Variants in DOCK7 observed in about 807,000 individuals in gnomAD.
DOCK7 encodes the protein dedicator of cytokinesis 7, also known as dedicator of cytokinesis protein 7.
In DOCK7, 138 loss-of-function variants were observed where a neutral mutation model predicts 271.0. That is an observed-to-expected ratio of 0.51 (90% CI 0.44 to 0.59). The LOEUF (loss-of-function observed/expected upper bound fraction) is 0.59. Ranked by LOEUF, DOCK7 falls within the 20% of genes least tolerant of loss-of-function variation. The pLI is 0.00. For missense variants in DOCK7, 2,066 were observed against 2,592.4 expected (o/e 0.80, Z 4.41); for synonymous variants, 823 against 876.1 (o/e 0.94, Z 1.07).
chr1:62,636,764 A>G (rs904856027), intron 7 of DOCK7, among the ~76,000 whole-genome samples, 161 bp from the exon 8 acceptor site: 1 of 152,166 alleles, frequency 6.6e-6, no homozygotes, highest in Non-Finnish European at 1.5e-5. Flanking sequence ...TCTTCTATGC[A>G]TATCGTTCAG....
chr1:62,647,891 A>G, intron 6 of DOCK7, 115 bp from the exon 7 acceptor site: 1 of 886,632 alleles, frequency 1.1e-6, no homozygotes. Context: ...TAGAACATAG[A>G]GAAGAATGAC....
chr1:62,475,622 C>T (rs934732738), intron 46 of DOCK7, 85 bp downstream of exon 46: 141 of 1,290,532 alleles, frequency 1.1e-4, no homozygotes, highest in Non-Finnish European at 1.5e-4. Context: ...AGGGATGGTA[C>T]ATATCTTCTG....
In DOCK7 at chr1:62,545,009, T is replaced by C. The variant is rs780996734; in HGVS notation, c.2797A>G (p.Thr933Ala). 1.8e-4 allele frequency: 284 copies of C among 1,549,710 alleles called. No individual in the cohort carries two copies. The highest frequency in any genetic ancestry group is 2.4e-4 in the Non-Finnish European group (272 of 1,146,484). The part of the protein sequence containing the change: ...GLDRSNSWVN[T>A]GGPKAAPWGS... ...CATGGGGCAGCTTTTGGACCACCAG[T>C]GTTAACCCAGGAATTGGAGCGATCT... The change falls in exon 23 of 50, where the codon ACT (threonine) becomes GCT (alanine). Residue 933 changes from threonine (T) to alanine (A), a missense_variant. By Grantham distance (58) the Thr-to-Ala change is moderately conservative (BLOSUM62 0). Around this residue, in one of 2 missense-constraint regions of DOCK7, gnomAD observed 1,414 missense variants for 1,670.4 expected, o/e 0.85. Transcript: ENST00000635253.
chr1:62,455,175 A>G lies in DOCK7; in HGVS notation c.*239T>C. ...ATGGTATAAATAATGGTAAATGTAT[A>G]GTGTACCTTTGAGTCATTAAAATGT... is the stretch of plus-strand genomic sequence containing the variant. On this transcript the variant is annotated 3_prime_UTR_variant, in exon 50 of 50. Transcript: ENST00000635253. 1.6e-6 allele frequency: 1 copy of G among 619,002 alleles called. No homozygotes were observed. The highest frequency in any genetic ancestry group is 2.9e-6 in the Non-Finnish European group (1 of 350,478). 38.3% of individuals were successfully genotyped at this position (619,002 alleles called of 1,614,324 possible). A position where few individuals can be genotyped will look rare whatever the true frequency, so the allele number is the denominator to read the frequency against.
chr1:62,611,766 A>T (rs1231442370), intron 14 of DOCK7, among the ~76,000 whole-genome samples: 1 of 152,134 alleles, frequency 6.6e-6, no homozygotes, highest in African/African-American at 2.4e-5. Flanking sequence ...AAGCTTATTC[A>T]ACTACTCAAG....
chr1:62,504,688 C>T lies in DOCK7; in HGVS notation c.4706G>A (p.Arg1569Gln), dbSNP rs777001480. The T allele has an allele frequency of 1.9e-6, 3 of 1,613,718 alleles. No individual in the cohort carries two copies. Among genetic ancestry groups the T allele is most frequent in the African/African-American group, 1.3e-5 (1 of 74,878 alleles). The part of the protein sequence containing the change: ...RHCSSSIGTI[R>Q]SHASASLYLL... ...GTAAAGGGAGGCACTGGCGTGTGACCGTATTGTACCGATGCTACTGCTACA... is the reference window on the plus strand; with the variant it reads ...GTAAAGGGAGGCACTGGCGTGTGACTGTATTGTACCGATGCTACTGCTACA... Residue 1569 changes from arginine to glutamine, a missense_variant, in exon 37 of 50, where the codon CGG becomes CAG. Arg to Gln is a conservative substitution (Grantham distance 43). Coordinates refer to ENST00000635253, the MANE Select transcript of DOCK7 (RefSeq NM_001367561.1).
At chr1:62,626,257 A>C (rs1380466154) in intron 11 of DOCK7, among the ~76,000 whole-genome samples, 1 of 152,178 alleles carries the variant, frequency 6.6e-6, no homozygotes, top group African/African-American at 2.4e-5. Flanking sequence ...TACAGCTATT[A>C]ATGTCTATTT....
chr1:62,483,446 C>T (rs1301790716), intron 43 of DOCK7: 1 of 151,920 alleles, frequency 6.6e-6, no homozygotes, highest in African/African-American at 2.4e-5. Flanking sequence ...CAGGGAGTCA[C>T]TAACTACCAG....
chr1:62,489,404 G>A (rs574102122), intron 41 of DOCK7, among the ~76,000 whole-genome samples: 176 of 152,242 alleles, frequency 1.2e-3, no homozygotes, highest in African/African-American at 4.0e-3. Context: ...AGCTGAGACC[G>A]CGCCACTGCA....
chr1:62,537,825 C>A, intron 28 of DOCK7, 66 bp downstream of exon 28: 1 of 1,419,236 alleles, frequency 7.0e-7, no homozygotes, highest in East Asian at 2.3e-5. Context: ...TTATTTTTTC[C>A]ATTGTTTAAA....
intron 37 of DOCK7, among the ~76,000 whole-genome samples, chr1:62,501,481 T>C (rs1646781873): frequency 1.3e-5 from 2 of 152,114 alleles, no homozygotes. Context: ...AATACAGATG[T>C]AAACAGTAAG....
At chr1:62,605,018 A>G in intron 14 of DOCK7, 1 of 555,472 alleles carries the variant, frequency 1.8e-6, no homozygotes, top group Admixed American at 3.2e-5. Context: ...CAAAATTCTT[A>G]TAATACTATT....
intron 12 of DOCK7, among the ~76,000 whole-genome samples, chr1:62,620,802 T>C (rs892442964): frequency 1.4e-5 from 2 of 141,780 alleles, no homozygotes; most frequent in Non-Finnish European, 3.0e-5. Flanking sequence ...GAGAATGGCG[T>C]GAACTCGGGA....
At chr1:62,572,368 T>A (rs1310750283) in intron 18 of DOCK7, among the ~76,000 whole-genome samples, 1 of 152,244 alleles carries the variant, frequency 6.6e-6, no homozygotes, top group Admixed American at 6.5e-5. Context: ...ATGCTCTCCA[T>A]GTTATTATAT....
At chr1:62,637,306 A>G (rs2149644689) in intron 7 of DOCK7, among the ~76,000 whole-genome samples, 1 of 152,342 alleles carries the variant, frequency 6.6e-6, no homozygotes, top group Admixed American at 6.5e-5. Context: ...TTCTAAGAAC[A>G]ATGACTTACA....
intron 48 of DOCK7, among the ~76,000 whole-genome samples, chr1:62,466,762 T>C (rs1645688905): frequency 6.6e-6 from 1 of 151,460 alleles, no homozygotes; most frequent in South Asian, 2.1e-4. Context: ...CAAGACCCCA[T>C]ATACAAAAAT....
chr1:62,672,619 T>C lies in DOCK7; in HGVS notation c.39-9489A>G, dbSNP rs756984293. On this transcript the variant is annotated intron_variant, in intron 1 of 49. Transcript: ENST00000635253. ...GTTTTTCCAAAGATTATCACTAGAATGTAAGTTCTATGAGGCAGAGATTTC... is the reference window on the plus strand; with the variant it reads ...GTTTTTCCAAAGATTATCACTAGAACGTAAGTTCTATGAGGCAGAGATTTC... Among the ~76,000 whole-genome samples the C allele has an allele frequency of 7.2e-4, 110 of 152,146 alleles. 1 individual carries two copies. Among genetic ancestry groups the C allele is most frequent in the Non-Finnish European group, 1.4e-3 (92 of 67,982 alleles).
At chr1:62,532,197 A>G (rs1218821102) in intron 29 of DOCK7, among the ~76,000 whole-genome samples, 2 of 151,622 alleles carry the variant, frequency 1.3e-5, no homozygotes, top group Admixed American at 1.3e-4. Flanking sequence ...ACCATGCCCA[A>G]GTAATTTTTG....
chr1:62,456,197 A>G (rs1645342908), intron 49 of DOCK7, among the ~76,000 whole-genome samples: 2 of 152,238 alleles, frequency 1.3e-5, no homozygotes, highest in South Asian at 4.1e-4. Flanking sequence ...GACTTAGGGA[A>G]ATTCCTGAAA....
Sources: gnomAD v4.1 joint callset for allele counts (sites outside exome capture counted in the v4.1 genomes callset) on GRCh38, gnomAD v4.1.1 for gene constraint, gnomAD v4.1.1 regional missense constraint, MANE v1.5 for transcripts, NCBI Gene and HGNC (gene_info 2026-07-23, HGNC 2026-07-21) for gene names.